Variants in SNTG1 observed in about 807,000 individuals in gnomAD.
SNTG1 encodes the protein syntrophin gamma 1.
Under a neutral mutation model 74.7 loss-of-function variants are expected in SNTG1, and 39 were observed. That is an observed-to-expected ratio of 0.52 (90% CI 0.40 to 0.68). The LOEUF is 0.68. SNTG1 is among the 30% of genes least tolerant of loss of function. The pLI is 0.00. For missense variants in SNTG1, 685 were observed against 609.5 expected, an observed-to-expected ratio of 1.12 and a Z score of -1.30; for synonymous variants, 254 against 217.1, an observed-to-expected ratio of 1.17 and a Z score of -1.49.
intron 1 of SNTG1, among the ~76,000 whole-genome samples, chr8:49,915,320 A>G (rs993210718): frequency 6.6e-6 from 1 of 152,180 alleles, no homozygotes; most frequent in Non-Finnish European, 1.5e-5. Context: ...TATATCTGTG[A>G]GTTATTATAA....
At chr8:50,653,846 C>T (rs922772211) in intron 13 of SNTG1, among the ~76,000 whole-genome samples, 2 of 152,142 alleles carry the variant, frequency 1.3e-5, no homozygotes, top group Non-Finnish European at 2.9e-5. Context: ...CTTTCACTCT[C>T]ATTCATTCAT....
chr8:49,984,550 T>C (rs1161871585), intron 1 of SNTG1, among the ~76,000 whole-genome samples: 2 of 152,202 alleles, frequency 1.3e-5, no homozygotes, highest in African/African-American at 2.4e-5. Context: ...AATGAATGAC[T>C]TGAGATATAA....
chr8:49,969,997 T>C (rs1407933759), intron 1 of SNTG1, among the ~76,000 whole-genome samples: 1 of 152,062 alleles, frequency 6.6e-6, no homozygotes, highest in Non-Finnish European at 1.5e-5. Context: ...CTGTCTCATG[T>C]TTTTATTTCT....
chr8:50,769,363 C>A (rs757234155), intron 18 of SNTG1, among the ~76,000 whole-genome samples: 2 of 151,816 alleles, frequency 1.3e-5, no homozygotes, highest in Non-Finnish European at 2.9e-5. Flanking sequence ...TAGTAAGTGA[C>A]CCAAGTAAGA....
chr8:50,650,334 G>T (rs2095137159), intron 13 of SNTG1, among the ~76,000 whole-genome samples: 1 of 151,772 alleles, frequency 6.6e-6, no homozygotes, highest in Non-Finnish European at 1.5e-5. Context: ...AATAAATTTA[G>T]ACCTCATATA....
chr8:50,739,505 C>T (rs2095537639), intron 17 of SNTG1, among the ~76,000 whole-genome samples: 1 of 151,926 alleles, frequency 6.6e-6, no homozygotes, highest in Admixed American at 6.6e-5. Context: ...GACACTATGG[C>T]AATTCCTCAA....
At chr8:50,632,945 T>C (rs373682895) in intron 13 of SNTG1, among the ~76,000 whole-genome samples, 17 of 152,194 alleles carry the variant, frequency 1.1e-4, no homozygotes, top group African/African-American at 3.1e-4. Context: ...AGCTAACATA[T>C]TCACTTGCAA....
chr8:50,420,555 C>T (rs1369614740), intron 4 of SNTG1, among the ~76,000 whole-genome samples: 1 of 151,962 alleles, frequency 6.6e-6, no homozygotes, highest in East Asian at 1.9e-4. Context: ...AAGAAGGAAT[C>T]CTGAAACATC....
At chr8:50,685,747 G>A (rs1206324808) in intron 15 of SNTG1, among the ~76,000 whole-genome samples, 1 of 152,098 alleles carries the variant, frequency 6.6e-6, no homozygotes, top group African/African-American at 2.4e-5. Context: ...ACACTTTTGT[G>A]GGCACACACA....
intron 1 of SNTG1, among the ~76,000 whole-genome samples, chr8:50,130,717 T>G (rs1282981329): frequency 6.6e-5 from 10 of 152,114 alleles, no homozygotes; most frequent in Non-Finnish European, 2.9e-5. Flanking sequence ...TAAAGGATCT[T>G]GCAAGGGAAG....
chr8:50,764,972 A>G (rs2095610044), intron 18 of SNTG1, among the ~76,000 whole-genome samples: 1 of 152,022 alleles, frequency 6.6e-6, no homozygotes, highest in Non-Finnish European at 1.5e-5. Context: ...ACATTATATC[A>G]TAGAAGAATC....
At chr8:50,253,948 A>G (rs889618507) in intron 2 of SNTG1, among the ~76,000 whole-genome samples, 6 of 152,110 alleles carry the variant, frequency 3.9e-5, no homozygotes, top group African/African-American at 1.4e-4. Flanking sequence ...ATAACCATTG[A>G]TAATTACAAG....
chr8:50,122,577 G>T (rs1487833360), intron 1 of SNTG1, among the ~76,000 whole-genome samples: 5 of 142,172 alleles, frequency 3.5e-5, no homozygotes, highest in African/African-American at 5.1e-5. Flanking sequence ...TTTAGAAAGA[G>T]CATTTGGGCT....
chr8:50,388,409 G>T (rs1303459112), intron 2 of SNTG1, among the ~76,000 whole-genome samples: 2 of 152,072 alleles, frequency 1.3e-5, no homozygotes, highest in Non-Finnish European at 2.9e-5. Flanking sequence ...CAGTGTTCTT[G>T]TTAATACTGG....
intron 1 of SNTG1, among the ~76,000 whole-genome samples, chr8:50,170,539 A>G (rs2082769604): frequency 6.6e-6 from 1 of 152,172 alleles, no homozygotes; most frequent in Non-Finnish European, 1.5e-5. Context: ...AGTGAGGCAT[A>G]AGATTTATCT....
intron 18 of SNTG1, among the ~76,000 whole-genome samples, chr8:50,774,631 A>C (rs2095635420): frequency 6.6e-6 from 1 of 151,930 alleles, no homozygotes; most frequent in Non-Finnish European, 1.5e-5. Context: ...ACTTAGAAAT[A>C]ATAAAAACAC....
intron 2 of SNTG1, among the ~76,000 whole-genome samples, chr8:50,351,739 C>G (rs1303724172): frequency 3.3e-5 from 5 of 152,150 alleles, no homozygotes; most frequent in African/African-American, 1.2e-4. Context: ...TTTTCAATAT[C>G]AGGATATGCC....
At chr8:50,372,481 C>T (rs2092291766) in intron 2 of SNTG1, among the ~76,000 whole-genome samples, 2 of 151,914 alleles carry the variant, frequency 1.3e-5, no homozygotes, top group Admixed American at 1.3e-4. Flanking sequence ...TCCTATTCTG[C>T]CATCTTCCTG....
At chr8:50,461,093 T>C (rs1023648503) in intron 8 of SNTG1, among the ~76,000 whole-genome samples, 1 of 151,762 alleles carries the variant, frequency 6.6e-6, no homozygotes, top group Non-Finnish European at 1.5e-5. Context: ...TTGATGACTT[T>C]GAAAGTTTTA....
Sources: gnomAD v4.1 joint callset for allele counts (sites outside exome capture counted in the v4.1 genomes callset) on GRCh38, gnomAD v4.1.1 for gene constraint, MANE v1.5 for transcripts, NCBI Gene and HGNC (gene_info 2026-07-23, HGNC 2026-07-21) for gene names.